PCDH15: variants seen among roughly 807,000 people sequenced by gnomAD.
PCDH15 encodes protocadherin-15.
PCDH15 carries 129 observed loss-of-function variants against 178.5 expected under a neutral mutation model. The observed-to-expected ratio is 0.72, with a 90% CI of 0.63 to 0.84. The LOEUF is 0.84. Among genes scored for constraint, PCDH15 ranks in the 40% least tolerant of loss-of-function variants. The probability of loss-of-function intolerance (pLI) is 0.00; values close to 1 mark genes in which losing one functional copy is unlikely to be tolerated. For missense variants in PCDH15, 2,230 were observed against 2,099.9 expected (o/e 1.06, Z -1.21); for synonymous variants, 800 against 732.0 (o/e 1.09, Z -1.50).
rs2593127 is a variant in PCDH15 at position 53,900,891 on chromosome 10, G to A, written c.3501+2352C>T. Among the ~76,000 whole-genome samples, 1,129 of 152,200 alleles carry A rather than the reference G, an allele frequency of 7.4e-3. 11 individuals carry two copies. The highest frequency in any genetic ancestry group is 0.026 in the African/African-American group (1,068 of 41,536). On this transcript the variant is annotated intron_variant, in intron 26 of 37. Transcript: ENST00000644397. ...CTTTTGAGTAATCTCCTTTATTAATGGACTAGTTTAACATTTGGCTTATCT... is the reference window on the plus strand; with the variant it reads ...CTTTTGAGTAATCTCCTTTATTAATAGACTAGTTTAACATTTGGCTTATCT...
rs564464704 is a variant in PCDH15 at position 55,369,531 on chromosome 10, G to A, written c.-155-202880C>T. Among the ~76,000 whole-genome samples, 81 of 152,030 alleles carry A rather than the reference G, an allele frequency of 5.3e-4. 1 individual carries two copies. Among genetic ancestry groups the A allele is most frequent in the South Asian group, 1.2e-3 (6 of 4,822 alleles). Reference sequence around the variant, plus strand: ...ATTAACTAGTATTTTATTTTGCACCGTACTAAATAAATTAAATGCACCAGA... The same window carrying A: ...ATTAACTAGTATTTTATTTTGCACCATACTAAATAAATTAAATGCACCAGA... On this transcript the variant is annotated intron_variant, in intron 2 of 5. Transcript: ENST00000613346.
chr10:55,434,314 C>G (rs61851136), intron 2 of PCDH15, among the ~76,000 whole-genome samples: 56,849 of 151,490 alleles, frequency 0.38, 11,534 homozygotes, highest in African/African-American at 0.54. Flanking sequence ...CCTTGGCCTC[C>G]CAAAGTGCTG....
intron 18 of PCDH15, among the ~76,000 whole-genome samples, chr10:54,062,597 A>G (rs2094053245): frequency 6.6e-6 from 1 of 152,086 alleles, no homozygotes; most frequent in Non-Finnish European, 1.5e-5. Flanking sequence ...TGCTTTCAAC[A>G]TCGTTTTAGT....
At chr10:54,277,009 T>C (rs2058385720) in intron 8 of PCDH15, among the ~76,000 whole-genome samples, 2 of 151,732 alleles carry the variant, frequency 1.3e-5, no homozygotes, top group Admixed American at 1.3e-4. Context: ...ATGATCTGAC[T>C]CACAAACTTA....
chr10:55,516,960 A>G (rs2132158707), intron 2 of PCDH15, among the ~76,000 whole-genome samples: 1 of 152,242 alleles, frequency 6.6e-6, no homozygotes, highest in South Asian at 2.1e-4. Context: ...AATGACACTA[A>G]AAAGTTAATG....
At chr10:54,819,299 A>G (rs567511467) in intron 3 of PCDH15, among the ~76,000 whole-genome samples, 26 of 152,048 alleles carry the variant, frequency 1.7e-4, no homozygotes, top group Admixed American at 2.0e-4. Context: ...AGTGTATCTA[A>G]TATCTCTTGC....
chr10:54,527,759 T>A (rs1450441341), intron 3 of PCDH15, 53 bp downstream of exon 3: 2 of 1,454,404 alleles, frequency 1.4e-6, no homozygotes, highest in African/African-American at 2.8e-5. Context: ...AGAATTAAAA[T>A]CTGAAGAAAA....
chr10:55,568,833 C>A (rs1229207951), intron 2 of PCDH15, among the ~76,000 whole-genome samples: 1 of 152,032 alleles, frequency 6.6e-6, no homozygotes, highest in African/African-American at 2.4e-5. Context: ...CGTTATTCAT[C>A]ATTGAGCAAA....
At chr10:54,666,907 C>G (rs1393851793) in intron 1 of PCDH15, among the ~76,000 whole-genome samples, 1 of 151,898 alleles carries the variant, frequency 6.6e-6, no homozygotes, top group Admixed American at 6.6e-5. Flanking sequence ...TTTCATGGAA[C>G]AGTCTCCAAT....
intron 1 of PCDH15, among the ~76,000 whole-genome samples, chr10:55,210,548 A>G (rs1451711093): frequency 7.0e-6 from 1 of 142,450 alleles, no homozygotes; most frequent in Non-Finnish European, 1.5e-5. Flanking sequence ...TGAAGCATGG[A>G]GGAATTTTGC....
At chr10:55,340,406 A>G (rs572380962) in intron 2 of PCDH15, among the ~76,000 whole-genome samples, 1 of 152,094 alleles carries the variant, frequency 6.6e-6, no homozygotes, top group East Asian at 1.9e-4. Context: ...ATCCTGGTAT[A>G]AATGATAAAG....
At chr10:54,930,974 A>ACAC (rs774383127) in intron 2 of PCDH15, among the ~76,000 whole-genome samples, 20,457 of 152,156 alleles carry the variant, frequency 0.13, 1,555 homozygotes, top group East Asian at 0.23. Flanking sequence ...ATGAATTAGC[A>ACAC]TGATTGATGG....
In PCDH15 at chr10:54,271,280, G is replaced by A. The variant is rs151136710; in HGVS notation, c.877-34349C>T. On this transcript the variant is annotated intron_variant, in intron 8 of 37. Coordinates refer to ENST00000644397, the MANE Select transcript of PCDH15 (RefSeq NM_001384140.1). ...GGCTGAAGTACAATGGTGCGATCTC[G>A]GCTCACTGCAACCTCCACCTCCCGG... Among the ~76,000 whole-genome samples the A allele has an allele frequency of 8.3e-3, 1,257 of 152,014 alleles. 20 individuals carry two copies. Among genetic ancestry groups the A allele is most frequent in the African/African-American group, 0.029 (1,185 of 41,440 alleles).
At chr10:55,403,276 C>T (rs1838117194) in intron 2 of PCDH15, among the ~76,000 whole-genome samples, 2 of 151,456 alleles carry the variant, frequency 1.3e-5, no homozygotes, top group Admixed American at 6.6e-5. Flanking sequence ...GTGTCAGTAC[C>T]TTGTCAAATG....
At chr10:53,886,595 CTTTTTTTTTTTTTTT>C (rs36171553) in intron 26 of PCDH15, among the ~76,000 whole-genome samples, 2 of 72,786 alleles carry the variant, frequency 2.7e-5, no homozygotes, top group Non-Finnish European at 4.9e-5. Flanking sequence ...ATGTATGCCT[CTTTTTTTTTTTTTTT>C]TTTTTTTTTT....
At chr10:54,004,564 C>A (rs2135062318) in intron 20 of PCDH15, among the ~76,000 whole-genome samples, 1 of 151,900 alleles carries the variant, frequency 6.6e-6, no homozygotes, top group South Asian at 2.1e-4. Flanking sequence ...TGTAAAACAG[C>A]TACAATTAAA....
At chr10:54,138,326 C>T (rs1480270967) in intron 14 of PCDH15, among the ~76,000 whole-genome samples, 2 of 151,816 alleles carry the variant, frequency 1.3e-5, no homozygotes, top group Non-Finnish European at 2.9e-5. Context: ...TGAGAAATTC[C>T]TAAGGAATTT....
chr10:54,385,933 CTCCTTGGTTAAATTGAT>C (rs1288992158), intron 3 of PCDH15, among the ~76,000 whole-genome samples: 1 of 152,002 alleles, frequency 6.6e-6, no homozygotes, highest in Non-Finnish European at 1.5e-5. Flanking sequence ...AATGTTTCAC[CTCCTTGGTTAAATTGAT>C]TCCTTTGTGT....
At chr10:54,885,500 T>C (rs767765353) in intron 3 of PCDH15, among the ~76,000 whole-genome samples, 3 of 151,852 alleles carry the variant, frequency 2.0e-5, no homozygotes, top group Non-Finnish European at 4.4e-5. Context: ...AAACAGAATC[T>C]AGTAAAAAGC....
Sources: gnomAD v4.1 joint callset for allele counts (sites outside exome capture counted in the v4.1 genomes callset) on GRCh38, gnomAD v4.1.1 for gene constraint, MANE v1.5 for transcripts, NCBI Gene and HGNC (gene_info 2026-07-23, HGNC 2026-07-21) for gene names.